The following B3GALT1 variants were observed in gnomAD, a reference collection of about 807,000 sequenced individuals.
B3GALT1 encodes beta-1,3-galactosyltransferase 1, also known as UDP-Gal:betaGlcNAc beta 1,3-galactosyltransferase, polypeptide 1.
B3GALT1 carries 10 observed loss-of-function variants against 23.2 expected under a neutral mutation model. That is an observed-to-expected ratio of 0.43 (90% CI 0.27 to 0.73). B3GALT1 has a LOEUF of 0.73. B3GALT1 is among the 30% of genes least tolerant of loss of function. The pLI is 0.21. For synonymous variants in B3GALT1, 156 were observed against 141.5 expected (o/e 1.10, Z -0.73); for missense variants, 299 against 405.4 (o/e 0.74, Z 2.25).
chr2:167,462,746 G>A (rs1428887440), intron 1 of B3GALT1, among the ~76,000 whole-genome samples: 1 of 152,114 alleles, frequency 6.6e-6, no homozygotes, highest in African/African-American at 2.4e-5. Context: ...CCATTCTGAA[G>A]ATTCTTTCAG....
rs1449703146 is a variant in B3GALT1 at position 167,446,882 on chromosome 2, C to T, written c.-510-43295C>T. On this transcript the variant is annotated intron_variant, in intron 1 of 4. Coordinates refer to ENST00000392690, the MANE Select transcript of B3GALT1 (RefSeq NM_020981.4). ...CAAATCGTCAAAGTCATTCTCCATC[C>T]AACTTTGTTGTGTTGCTGGTGAGGA... is the stretch of plus-strand genomic sequence containing the variant. Among the ~76,000 whole-genome samples, 2 of 152,184 alleles carry T rather than the reference C, an allele frequency of 1.3e-5. 1 individual carries two copies. Among genetic ancestry groups the T allele is most frequent in the South Asian group, 4.1e-4 (2 of 4,826 alleles).
rs1368298567 is a variant in B3GALT1 at position 167,871,197 on chromosome 2, A to G, written c.*1177A>G. On this transcript the variant is annotated 3_prime_UTR_variant, in exon 5 of 5. Transcript: ENST00000392690. ...TACTTATTGGGCCATATGAGTAGGC[A>G]TCGTAATCTTGTGCTTCAATGTGTT... 6.6e-6 allele frequency: 1 copy of G among 152,184 alleles called. No homozygotes were observed. The highest frequency in any genetic ancestry group is 2.1e-4 in the South Asian group (1 of 4,830). 9.4% of individuals were successfully genotyped at this position (152,184 alleles called of 1,614,324 possible). A position where few individuals can be genotyped will look rare whatever the true frequency, so the allele number is the denominator to read the frequency against.
At chr2:167,802,181 G>A (rs1486700074) in intron 3 of B3GALT1, among the ~76,000 whole-genome samples, 1 of 152,218 alleles carries the variant, frequency 6.6e-6, no homozygotes, top group East Asian at 1.9e-4. Context: ...AGTCCTCCCT[G>A]TGAGCTCAGA....
chr2:167,669,683 C>T (rs1686286459), intron 3 of B3GALT1, among the ~76,000 whole-genome samples: 1 of 152,090 alleles, frequency 6.6e-6, no homozygotes, highest in South Asian at 2.1e-4. Flanking sequence ...AAATGTATTT[C>T]AAATATTTTA....
At chr2:167,839,753 G>A (rs1253747276) in intron 4 of B3GALT1, among the ~76,000 whole-genome samples, 2 of 152,148 alleles carry the variant, frequency 1.3e-5, no homozygotes, top group South Asian at 2.1e-4. Context: ...AAAGCTGGAG[G>A]CATCACACTA....
chr2:167,710,005 T>C (rs1054163816), intron 3 of B3GALT1, among the ~76,000 whole-genome samples: 2 of 152,152 alleles, frequency 1.3e-5, no homozygotes, highest in African/African-American at 4.8e-5. Flanking sequence ...AATATGTTTT[T>C]TCCACTCAGT....
At chr2:167,368,084 T>A (rs1697619060) in intron 1 of B3GALT1, among the ~76,000 whole-genome samples, 1 of 152,166 alleles carries the variant, frequency 6.6e-6, no homozygotes, top group Admixed American at 6.6e-5. Flanking sequence ...GAGGGACATG[T>A]TTTTCTAAGA....
At position 167,869,941 on chromosome 2, in the gene B3GALT1, T is replaced by C. The variant is rs764674116; in HGVS notation, c.902T>C (p.Ile301Thr). Reference protein sequence around the residue: ...AYSLCRYRRVITVHQISPEEM... With the variant: ...AYSLCRYRRVTTVHQISPEEM... ...AGTTTGTGTAGGTATCGCCGAGTTA[T>C]CACTGTGCATCAGATCTCTCCAGAA... The change falls in exon 5 of 5, where the codon ATC becomes ACC. Residue 301 changes from isoleucine to threonine, a missense_variant. Ile to Thr is a moderately conservative substitution (Grantham distance 89). Around this residue, in one of 3 missense-constraint regions of B3GALT1, gnomAD observed 133 missense variants for 204.8 expected, o/e 0.65. Coordinates refer to ENST00000392690, the MANE Select transcript of B3GALT1 (RefSeq NM_020981.4). This position sits in a 1 kb window ranked among gnomAD's most constrained non-coding sequence, Gnocchi z 6.4. 5 of 1,613,974 alleles carry C rather than the reference T, an allele frequency of 3.1e-6. No homozygotes were observed. In the African/African-American group the frequency reaches 4.0e-5, roughly 13 times the overall value.
chr2:167,346,810 T>C (rs1003940853), intron 1 of B3GALT1, among the ~76,000 whole-genome samples: 21 of 151,570 alleles, frequency 1.4e-4, no homozygotes, highest in Admixed American at 1.3e-3. Flanking sequence ...TTTAGTGAGA[T>C]CTAATTTTGG....
At chr2:167,688,399 TAAAAC>T (rs1387079869) in intron 3 of B3GALT1, among the ~76,000 whole-genome samples, 1 of 151,740 alleles carries the variant, frequency 6.6e-6, no homozygotes, top group Non-Finnish European at 1.5e-5. Flanking sequence ...CGAACACACT[TAAAAC>T]AAATGAAAAA....
intron 1 of B3GALT1, among the ~76,000 whole-genome samples, chr2:167,299,816 C>T (rs1696417100): frequency 6.6e-6 from 1 of 151,352 alleles, no homozygotes; most frequent in South Asian, 2.1e-4. Context: ...CTCTCTCTCT[C>T]TCCATATATA....
At chr2:167,583,258 G>A (rs1426143714) in intron 2 of B3GALT1, among the ~76,000 whole-genome samples, 1 of 152,082 alleles carries the variant, frequency 6.6e-6, no homozygotes, top group African/African-American at 2.4e-5. Flanking sequence ...GATGCCAGGG[G>A]CAGACATTTC....
chr2:167,479,964 G>T (rs965100101), intron 1 of B3GALT1, among the ~76,000 whole-genome samples: 2 of 152,106 alleles, frequency 1.3e-5, no homozygotes, highest in African/African-American at 2.4e-5. Flanking sequence ...CATGCGCTGA[G>T]TCTGCCTCTG....
At chr2:167,477,652 A>G (rs1699506038) in intron 1 of B3GALT1, among the ~76,000 whole-genome samples, 2 of 152,216 alleles carry the variant, frequency 1.3e-5, no homozygotes, top group South Asian at 4.1e-4. Context: ...TAACAAAATA[A>G]TAGAGTACAT....
intron 3 of B3GALT1, among the ~76,000 whole-genome samples, chr2:167,670,218 C>T (rs964574090): frequency 6.6e-6 from 1 of 152,184 alleles, no homozygotes; most frequent in Admixed American, 6.5e-5. Flanking sequence ...ACCTGGAACA[C>T]TTCAGAGCAC....
intron 1 of B3GALT1, among the ~76,000 whole-genome samples, chr2:167,446,835 A>T (rs1699004149): frequency 6.7e-6 from 1 of 149,540 alleles, no homozygotes; most frequent in African/African-American, 2.5e-5. Context: ...GAGAAGTTTG[A>T]TCATCTGAAG....
chr2:167,429,915 A>G (rs1382412705), intron 1 of B3GALT1, among the ~76,000 whole-genome samples: 1 of 152,266 alleles, frequency 6.6e-6, no homozygotes, highest in Admixed American at 6.5e-5. Context: ...AACACTTGCT[A>G]TATGCAAGAT....
rs141829054 is a variant in B3GALT1 at position 167,720,872 on chromosome 2, G to A, written c.-352+73906G>A. Among the ~76,000 whole-genome samples, 3 of 152,308 alleles carry A rather than the reference G, an allele frequency of 2.0e-5. No homozygotes were observed. In the East Asian group the frequency reaches 5.8e-4, roughly 29 times the overall value. On this transcript the variant is annotated intron_variant, in intron 3 of 4. Coordinates refer to ENST00000392690, the MANE Select transcript of B3GALT1 (RefSeq NM_020981.4). The stretch of plus-strand genomic sequence containing the variant: ...TGTTTCTGCCTTTTGAACACTGAGA[G>A]TGTAATATTCTCAAGTTTCCCCTAG...
At chr2:167,693,862 C>T (rs1170659232) in intron 3 of B3GALT1, among the ~76,000 whole-genome samples, 1 of 152,092 alleles carries the variant, frequency 6.6e-6, no homozygotes, top group Admixed American at 6.6e-5. Context: ...AATAGACCAC[C>T]CCATAACACA....
Sources: gnomAD v4.1 joint callset for allele counts (sites outside exome capture counted in the v4.1 genomes callset) on GRCh38, gnomAD v4.1.1 for gene constraint, gnomAD v4.1.1 regional missense constraint, Gnocchi (gnomAD v3.1) non-coding constraint, MANE v1.5 for transcripts, NCBI Gene and HGNC (gene_info 2026-07-23, HGNC 2026-07-21) for gene names.